SPOCK1: variants seen among roughly 807,000 people sequenced by gnomAD.
The protein encoded by SPOCK1 is testican-1.
Under a neutral mutation model 55.3 loss-of-function variants are expected in SPOCK1, and 23 were observed. The observed-to-expected ratio is 0.42, with a 90% CI of 0.30 to 0.59. The LOEUF (loss-of-function observed/expected upper bound fraction) is 0.59. SPOCK1 is among the 20% of genes least tolerant of loss of function. The pLI, the probability that SPOCK1 is intolerant of heterozygous loss-of-function variation, is 0.22. For synonymous variants in SPOCK1, 226 were observed against 221.0 expected (o/e 1.02, Z -0.20); for missense variants, 499 against 552.5 (o/e 0.90, Z 0.97).
intron 6 of SPOCK1, among the ~76,000 whole-genome samples, chr5:137,026,895 T>C (rs113405790): frequency 1.6e-3 from 248 of 152,320 alleles, no homozygotes; most frequent in African/African-American, 5.7e-3. Flanking sequence ...ATTGAATATC[T>C]ATTATGTTCC....
intron 3 of SPOCK1, among the ~76,000 whole-genome samples, chr5:137,248,665 G>A (rs147058477): frequency 5.9e-5 from 9 of 152,296 alleles, no homozygotes; most frequent in African/African-American, 1.9e-4. Context: ...TTCCGCATCC[G>A]CACAGATAGA....
At chr5:137,358,065 G>T (rs1235552742) in intron 2 of SPOCK1, among the ~76,000 whole-genome samples, 1 of 152,110 alleles carries the variant, frequency 6.6e-6, no homozygotes, top group East Asian at 1.9e-4. Flanking sequence ...ACCAGTCACT[G>T]CAAATCCTGA....
intron 3 of SPOCK1, among the ~76,000 whole-genome samples, chr5:137,141,124 GC>G (rs1331319624): frequency 6.6e-6 from 1 of 152,200 alleles, no homozygotes; most frequent in Non-Finnish European, 1.5e-5. Context: ...TGCCCTCGGT[GC>G]TGTTCTCTGA....
intron 2 of SPOCK1, among the ~76,000 whole-genome samples, chr5:137,296,995 ATG>A (rs1180730274): frequency 2.0e-5 from 3 of 152,232 alleles, no homozygotes; most frequent in Admixed American, 2.0e-4. Flanking sequence ...AAGAGTATCT[ATG>A]TGTGTATATA....
chr5:137,166,786 T>C (rs1472928807), intron 3 of SPOCK1, among the ~76,000 whole-genome samples: 2 of 151,976 alleles, frequency 1.3e-5, no homozygotes, highest in African/African-American at 4.8e-5. Flanking sequence ...GCAAGCCTCA[T>C]TGCAACCTCA....
chr5:137,228,068 G>T (rs1462669577), intron 3 of SPOCK1, among the ~76,000 whole-genome samples: 1 of 152,160 alleles, frequency 6.6e-6, no homozygotes, highest in African/African-American at 2.4e-5. Context: ...TCATTTATCT[G>T]CAAACAGGAA....
At chr5:137,021,883 G>C (rs1402280968) in intron 6 of SPOCK1, among the ~76,000 whole-genome samples, 1 of 152,144 alleles carries the variant, frequency 6.6e-6, no homozygotes, top group African/African-American at 2.4e-5. Context: ...TGAGTTTAAA[G>C]AGAAAGATCT....
chr5:137,042,159 A>G (rs981189850), intron 6 of SPOCK1, among the ~76,000 whole-genome samples: 1 of 152,194 alleles, frequency 6.6e-6, no homozygotes, highest in Non-Finnish European at 1.5e-5. Flanking sequence ...AAAGACCTAG[A>G]TGAATCTTAA....
rs1752332909 is a variant in SPOCK1, at chr5:137,416,596, G to A, written c.186+81777C>T. On this transcript the variant is annotated intron_variant, in intron 2 of 10. Coordinates refer to ENST00000394945, the MANE Select transcript of SPOCK1 (RefSeq NM_004598.4). ...TCTCCCCAAAGAGCCATAAAACTGG[G>A]GGAAATAAAAGATACAGTGGAGGAT... is the stretch of plus-strand genomic sequence containing the variant. Among the ~76,000 whole-genome samples the A allele has an allele frequency of 2.0e-5, 3 of 151,972 alleles. No individual in the cohort carries two copies. In the South Asian group the frequency reaches 6.2e-4, roughly 32 times the overall value.
chr5:137,309,024 TC>T (rs894690631), intron 2 of SPOCK1, among the ~76,000 whole-genome samples: 1 of 152,184 alleles, frequency 6.6e-6, no homozygotes, highest in African/African-American at 2.4e-5. Context: ...CTGGATTTTT[TC>T]CCCCTTCTTT....
At chr5:137,324,712 T>C (rs1165981007) in intron 2 of SPOCK1, among the ~76,000 whole-genome samples, 1 of 152,072 alleles carries the variant, frequency 6.6e-6, no homozygotes, top group Non-Finnish European at 1.5e-5. Flanking sequence ...ACAATATGCA[T>C]ATAATAACAC....
At chr5:137,051,894 A>C (rs1438244941) in intron 6 of SPOCK1, among the ~76,000 whole-genome samples, 1 of 152,158 alleles carries the variant, frequency 6.6e-6, no homozygotes, top group Non-Finnish European at 1.5e-5. Flanking sequence ...AGTAATGAGA[A>C]CCTTGATTTT....
At chr5:137,086,993 T>A (rs1752972292) in intron 5 of SPOCK1, among the ~76,000 whole-genome samples, 1 of 152,212 alleles carries the variant, frequency 6.6e-6, no homozygotes, top group Non-Finnish European at 1.5e-5. Context: ...GAGCTGAGAC[T>A]TGACTAATGT....
chr5:137,267,152 A>C, intron 2 of SPOCK1, 97 bp from the exon 3 acceptor site: 1 of 969,850 alleles, frequency 1.0e-6, no homozygotes, highest in Non-Finnish European at 1.6e-6. Flanking sequence ...CCCAAAACAC[A>C]AAGGAAAACA....
intron 4 of SPOCK1, among the ~76,000 whole-genome samples, chr5:137,112,786 A>G (rs1006033668): frequency 3.3e-5 from 5 of 151,990 alleles, no homozygotes; most frequent in African/African-American, 9.7e-5. Context: ...ACTGAGGAAA[A>G]CAATGTAGCC....
At chr5:137,072,359 T>C (rs1249856388) in intron 5 of SPOCK1, among the ~76,000 whole-genome samples, 1 of 152,182 alleles carries the variant, frequency 6.6e-6, no homozygotes, top group Non-Finnish European at 1.5e-5. Flanking sequence ...CAACATATTA[T>C]TATAAATACA....
At chr5:137,087,711 T>C (rs1752983279) in intron 5 of SPOCK1, among the ~76,000 whole-genome samples, 1 of 152,204 alleles carries the variant, frequency 6.6e-6, no homozygotes, top group South Asian at 2.1e-4. Context: ...GTGTGCAGGA[T>C]ACACTGAGGT....
chr5:137,154,088 G>A (rs576431542), intron 3 of SPOCK1, among the ~76,000 whole-genome samples: 2 of 152,092 alleles, frequency 1.3e-5, no homozygotes, highest in Admixed American at 6.5e-5. Context: ...GGGAGTTCAA[G>A]ACCACCCTGA....
chr5:137,256,905 G>C (rs1486380150), intron 3 of SPOCK1, among the ~76,000 whole-genome samples: 1 of 152,180 alleles, frequency 6.6e-6, no homozygotes, highest in East Asian at 1.9e-4. Context: ...TTTAATAATT[G>C]ATTTTCCAGC....
Sources: gnomAD v4.1 joint callset for allele counts (sites outside exome capture counted in the v4.1 genomes callset) on GRCh38, gnomAD v4.1.1 for gene constraint, MANE v1.5 for transcripts, NCBI Gene and HGNC (gene_info 2026-07-23, HGNC 2026-07-21) for gene names.